The following IFT122 variants were observed in gnomAD, a reference collection of about 807,000 sequenced individuals.
IFT122 encodes the protein intraflagellar transport protein 122 homolog.
Under a neutral mutation model 161.6 loss-of-function variants are expected in IFT122, and 118 were observed. The ratio of observed to expected loss-of-function variants is 0.73; its 90% CI spans 0.63 to 0.85. The LOEUF is 0.85. Among genes scored for constraint, IFT122 ranks in the 40% least tolerant of loss-of-function variants. The pLI, the probability that IFT122 is intolerant of heterozygous loss-of-function variation, is 0.00. For missense variants in IFT122, 1,381 were observed against 1,579.6 expected, an observed-to-expected ratio of 0.87 and a Z score of 2.13; for synonymous variants, 550 against 602.4, an observed-to-expected ratio of 0.91 and a Z score of 1.27.
chr3:129,456,117 A>G (rs1159045188), intron 3 of IFT122: 2 of 532,176 alleles, frequency 3.8e-6, no homozygotes, highest in African/African-American at 1.9e-5. Flanking sequence ...AAATAAGGAA[A>G]TGAAAGCTCT....
chr3:129,490,116 G>A (rs1042583971), intron 16 of IFT122, among the ~76,000 whole-genome samples: 1 of 152,136 alleles, frequency 6.6e-6, no homozygotes, highest in African/African-American at 2.4e-5. Flanking sequence ...TCTTGCCTCA[G>A]CCTCCCAAAG....
In IFT122 at chr3:129,495,607, G is replaced by C; in HGVS notation, c.2208G>C (p.Lys736Asn). The part of the protein sequence containing the change: ...YTDLCMFEYA[K>N]DFLGSGDPKE... Reference sequence around the variant, plus strand: ...ACCTCTGCATGTTTGAGTATGCCAAGGTAACCTACCCTGTCCCAGGCCCAA... The same window carrying C: ...ACCTCTGCATGTTTGAGTATGCCAACGTAACCTACCCTGTCCCAGGCCCAA... The change falls in exon 18 of 30, where the codon AAG (lysine) becomes AAC (asparagine). Residue 736 changes from lysine (K) to asparagine (N), a missense_variant and splice_region_variant. This residue lies in a region of IFT122 where 496 missense variants were observed against 502.5 expected (regional missense o/e 0.99). Transcript: ENST00000348417. 5 of 1,614,164 alleles carry C rather than the reference G, an allele frequency of 3.1e-6. No individual in the cohort carries two copies. The highest frequency in any genetic ancestry group is 4.2e-6 in the Non-Finnish European group (5 of 1,180,018).
chr3:129,504,027 C>A lies in IFT122; in HGVS notation c.2548-292C>A, dbSNP rs1273261552. ...CTGTTTGCAGCACTACAGGAGCCCACGCAAACCCTCAAAATAAAATGTTTC... is the reference window on the plus strand; with the variant it reads ...CTGTTTGCAGCACTACAGGAGCCCAAGCAAACCCTCAAAATAAAATGTTTC... On this transcript the variant is annotated intron_variant, in intron 20 of 29. Coordinates refer to ENST00000348417, the MANE Select transcript of IFT122 (RefSeq NM_052989.3). 5.0e-5 allele frequency: 21 copies of A among 416,332 alleles called. No homozygotes were observed. In the Admixed American group the frequency reaches 7.5e-4, roughly 15 times the overall value. The allele number at this position is 416,332 out of a possible 1,614,324, so 25.8% of individuals were successfully genotyped here. A position where few individuals can be genotyped will look rare whatever the true frequency, so the allele number is the denominator to read the frequency against.
chr3:129,519,685 T>C lies in IFT122; in HGVS notation c.3589T>C (p.Ser1197Pro). ...PPPLRWQYFR[S>P]LLPDASITMC... ...ACCCCTGAGGTGGCAATACTTCCGC[T>C]CACTGCTGCCTGACGCCTCCATTAC... The change falls in exon 29 of 30, where the codon TCA (serine) becomes CCA (proline). Residue 1197 changes from serine to proline, a missense_variant. By Grantham distance (74) the Ser-to-Pro change is moderately conservative. Transcript: ENST00000348417. 6.2e-7 allele frequency: 1 copy of C among 1,613,770 alleles called. No individual in the cohort carries two copies. The highest frequency in any genetic ancestry group is 1.3e-5 in the African/African-American group (1 of 75,034).
intron 25 of IFT122, chr3:129,515,275 G>A (rs1245037090): frequency 8.5e-5 from 53 of 625,746 alleles, no homozygotes; most frequent in Non-Finnish European, 2.3e-5. Flanking sequence ...TCTTGGGCAC[G>A]GGGACCCAAG....
intron 17 of IFT122, 31 bp downstream of exon 17, chr3:129,492,225 A>G (rs886215655): frequency 3.8e-6 from 6 of 1,563,538 alleles, no homozygotes; most frequent in African/African-American, 1.4e-5. Context: ...CCTTCTCAAG[A>G]AGGCATACTT....
intron 17 of IFT122, 35 bp from the exon 18 acceptor site, chr3:129,495,411 G>A (rs1296348717): frequency 6.2e-7 from 1 of 1,612,776 alleles, no homozygotes; most frequent in East Asian, 2.2e-5. Context: ...GCCCATGGCT[G>A]CAGAGGCCAT....
intron 7 of IFT122, among the ~76,000 whole-genome samples, chr3:129,466,266 T>C (rs1482858737): frequency 6.6e-6 from 1 of 152,208 alleles, no homozygotes; most frequent in Non-Finnish European, 1.5e-5. Context: ...AAGGTTATTA[T>C]GCTTCTTCCT....
intron 1 of IFT122, among the ~76,000 whole-genome samples, chr3:129,448,809 A>C (rs139760685): frequency 0.011 from 1,639 of 151,954 alleles, 32 homozygotes; most frequent in African/African-American, 0.037. Flanking sequence ...CTCCTGCCTC[A>C]GCCTCTCGAG....
At chr3:129,480,249 A>G (rs2078483201) in intron 13 of IFT122, among the ~76,000 whole-genome samples, 1 of 152,236 alleles carries the variant, frequency 6.6e-6, no homozygotes, top group South Asian at 2.1e-4. Flanking sequence ...AGAGGGAGGC[A>G]GAGATCGTTA....
intron 15 of IFT122, chr3:129,484,024 G>A (rs1299818786): frequency 5.0e-6 from 2 of 398,154 alleles, no homozygotes; most frequent in African/African-American, 2.1e-5. Flanking sequence ...AGTCCGGCAG[G>A]GTGTGTGTGT....
chr3:129,471,420 A>G (rs1312105664), intron 9 of IFT122, among the ~76,000 whole-genome samples: 4 of 152,166 alleles, frequency 2.6e-5, no homozygotes, highest in African/African-American at 7.2e-5. Flanking sequence ...TGTGTACATC[A>G]TCATTCAACA....
At chr3:129,448,974 C>G (rs1359055072) in intron 1 of IFT122, among the ~76,000 whole-genome samples, 1 of 152,214 alleles carries the variant, frequency 6.6e-6, no homozygotes, top group Non-Finnish European at 1.5e-5. Context: ...GCTGGGATTA[C>G]AGGCATGAGC....
chr3:129,514,033 GC>G (rs1560011270), intron 24 of IFT122: 3 of 379,580 alleles, frequency 7.9e-6, no homozygotes, highest in Non-Finnish European at 1.0e-5. Context: ...AGAGCAGAGT[GC>G]CCTTTGTGCC....
At chr3:129,472,124 A>C (rs2077425587) in intron 9 of IFT122, among the ~76,000 whole-genome samples, 1 of 152,158 alleles carries the variant, frequency 6.6e-6, no homozygotes, top group Non-Finnish European at 1.5e-5. Flanking sequence ...ATGACCATTC[A>C]AAAGTTGTAT....
chr3:129,504,765 C>A (rs1215837997), intron 21 of IFT122, among the ~76,000 whole-genome samples: 1 of 152,184 alleles, frequency 6.6e-6, no homozygotes, highest in South Asian at 2.1e-4. Context: ...ATTATGATTC[C>A]CATTTTGCAG....
At chr3:129,456,179 T>C (rs549951926) in intron 3 of IFT122, 1 of 1,162,186 alleles carries the variant, frequency 8.6e-7, no homozygotes, top group Non-Finnish European at 1.1e-6. Flanking sequence ...CTAGGAATTC[T>C]GACCCAGAGA....
Position 129,520,384 on chromosome 3 carries a change from G to A in IFT122, c.*119G>A. ...CTTGCCCAGATGAAGTTTGTGTTTTGTGGGGGGGGCCTTGTGTAACCACGG... is the reference window on the plus strand; with the variant it reads ...CTTGCCCAGATGAAGTTTGTGTTTTATGGGGGGGGCCTTGTGTAACCACGG... On this transcript the variant is annotated 3_prime_UTR_variant, in exon 30 of 30. Transcript: ENST00000348417. The A allele has an allele frequency of 2.4e-6, 2 of 836,458 alleles. No homozygotes were observed. Among genetic ancestry groups the A allele is most frequent in the Non-Finnish European group, 3.9e-6 (2 of 507,980 alleles). The allele number at this position is 836,458 out of a possible 1,614,324, so 51.8% of individuals were successfully genotyped here. A position where few individuals can be genotyped will look rare whatever the true frequency, so the allele number is the denominator to read the frequency against.
intron 2 of IFT122, among the ~76,000 whole-genome samples, chr3:129,451,629 T>G (rs2074862305): frequency 6.6e-6 from 1 of 152,220 alleles, no homozygotes; most frequent in South Asian, 2.1e-4. Flanking sequence ...CAAATTCAGG[T>G]AAGGATGAGT....
Sources: gnomAD v4.1 joint callset for allele counts (sites outside exome capture counted in the v4.1 genomes callset) on GRCh38, gnomAD v4.1.1 for gene constraint, gnomAD v4.1.1 regional missense constraint, MANE v1.5 for transcripts, NCBI Gene and HGNC (gene_info 2026-07-23, HGNC 2026-07-21) for gene names.